AGBL4: variants seen among roughly 807,000 people sequenced by gnomAD.
AGBL4 encodes the protein AGBL carboxypeptidase 4.
AGBL4 carries 58 observed loss-of-function variants against 66.4 expected under a neutral mutation model. The observed-to-expected ratio is 0.87, with a 90% CI of 0.71 to 1.09. The LOEUF is 1.09. Ranked by LOEUF, AGBL4 falls within the 50% of genes least tolerant of loss-of-function variation. The pLI, the probability that AGBL4 is intolerant of heterozygous loss-of-function variation, is 0.00. For missense variants in AGBL4, 579 were observed against 631.0 expected (o/e 0.92, Z 0.88); for synonymous variants, 234 against 222.9 (o/e 1.05, Z -0.44).
intron 5 of AGBL4, among the ~76,000 whole-genome samples, chr1:49,025,891 A>T (rs1571259714): frequency 6.6e-6 from 1 of 152,160 alleles, no homozygotes; most frequent in Admixed American, 6.6e-5. Context: ...AATCTTGCTA[A>T]AAGAGGTTCA....
At chr1:49,871,238 TA>T (rs945122021) in intron 1 of AGBL4, among the ~76,000 whole-genome samples, 4 of 151,998 alleles carry the variant, frequency 2.6e-5, no homozygotes, top group Non-Finnish European at 5.9e-5. Flanking sequence ...AAATATTATT[TA>T]AAAATTTATA....
chr1:49,126,493 T>C (rs1645766818), intron 4 of AGBL4, among the ~76,000 whole-genome samples: 1 of 152,178 alleles, frequency 6.6e-6, no homozygotes, highest in Non-Finnish European at 1.5e-5. Context: ...GGATCTATTA[T>C]AGGGCAGGCA....
chr1:49,797,562 A>C (rs977823303), intron 2 of AGBL4, among the ~76,000 whole-genome samples: 2 of 152,170 alleles, frequency 1.3e-5, no homozygotes. Flanking sequence ...CAATCTCCCA[A>C]GGATCTAGGG....
intron 4 of AGBL4, among the ~76,000 whole-genome samples, chr1:49,164,111 A>C (rs1646590128): frequency 6.6e-6 from 1 of 152,178 alleles, no homozygotes; most frequent in African/African-American, 2.4e-5. Flanking sequence ...ATATTTTAGG[A>C]AAATAAAAGT....
chr1:49,568,753 A>G (rs1644267629), intron 3 of AGBL4, among the ~76,000 whole-genome samples: 1 of 152,214 alleles, frequency 6.6e-6, no homozygotes, highest in South Asian at 2.1e-4. Context: ...ACCTGACCTC[A>G]AACTATACTG....
chr1:49,547,782 T>C (rs945459391), intron 3 of AGBL4, among the ~76,000 whole-genome samples: 1 of 151,946 alleles, frequency 6.6e-6, no homozygotes, highest in Non-Finnish European at 1.5e-5. Context: ...AGTCTTTTTT[T>C]TTTTTTCTTG....
chr1:48,790,537 A>G (rs1005991297), intron 6 of AGBL4, among the ~76,000 whole-genome samples: 1 of 152,326 alleles, frequency 6.6e-6, no homozygotes, highest in Non-Finnish European at 1.5e-5. Flanking sequence ...TATGTATCAA[A>G]CCTGTCATTC....
intron 2 of AGBL4, among the ~76,000 whole-genome samples, chr1:49,794,445 G>A (rs1644681159): frequency 6.6e-6 from 1 of 151,998 alleles, no homozygotes; most frequent in Non-Finnish European, 1.5e-5. Flanking sequence ...GTGAGTAAAT[G>A]ATTTTCAGAG....
At chr1:49,976,059 C>T (rs1002167900) in intron 1 of AGBL4, among the ~76,000 whole-genome samples, 2 of 152,176 alleles carry the variant, frequency 1.3e-5, no homozygotes, top group Non-Finnish European at 2.9e-5. Flanking sequence ...CCTGCCTGGG[C>T]TCATCCCAGC....
At chr1:49,273,579 T>C (rs997732777) in intron 3 of AGBL4, among the ~76,000 whole-genome samples, 3 of 150,704 alleles carry the variant, frequency 2.0e-5, no homozygotes, top group African/African-American at 7.3e-5. Flanking sequence ...AAAATTAAAT[T>C]TAATATTAAT....
intron 1 of AGBL4, among the ~76,000 whole-genome samples, chr1:49,973,472 GA>G (rs1389361392): frequency 1.3e-5 from 2 of 151,820 alleles, no homozygotes; most frequent in Non-Finnish European, 2.9e-5. Context: ...CATAATTGCA[GA>G]AAAATTCTTT....
intron 5 of AGBL4, among the ~76,000 whole-genome samples, chr1:48,926,028 TGAGGACA>T (rs1654528618): frequency 6.6e-6 from 1 of 152,142 alleles, no homozygotes; most frequent in Admixed American, 6.5e-5. Context: ...GTTAGATGAA[TGAGGACA>T]GCAAATGTGG....
chr1:49,005,443 T>G (rs1167039602), intron 5 of AGBL4, among the ~76,000 whole-genome samples: 1 of 152,216 alleles, frequency 6.6e-6, no homozygotes, highest in African/African-American at 2.4e-5. Flanking sequence ...TTATTATCCT[T>G]TTGTCTGACG....
intron 2 of AGBL4, among the ~76,000 whole-genome samples, chr1:49,775,437 A>G (rs1444312951): frequency 1.3e-5 from 2 of 152,150 alleles, no homozygotes; most frequent in Non-Finnish European, 2.9e-5. Flanking sequence ...ATAGTTATAT[A>G]AATGTGCAAA....
intron 1 of AGBL4, among the ~76,000 whole-genome samples, chr1:49,885,272 A>T (rs368449981): frequency 6.6e-6 from 1 of 152,010 alleles, no homozygotes; most frequent in African/African-American, 2.4e-5. Flanking sequence ...AGAAAATTAC[A>T]TTAAAGATGA....
At chr1:49,149,808 G>T (rs1646292356) in intron 4 of AGBL4, among the ~76,000 whole-genome samples, 1 of 152,142 alleles carries the variant, frequency 6.6e-6, no homozygotes, top group African/African-American at 2.4e-5. Flanking sequence ...GCCCCAAAAA[G>T]CCATGCATTG....
chr1:49,365,307 G>T (rs1486546591), intron 3 of AGBL4, among the ~76,000 whole-genome samples: 1 of 152,016 alleles, frequency 6.6e-6, no homozygotes, highest in African/African-American at 2.4e-5. Flanking sequence ...CCACAAATCA[G>T]TTCGAACTTC....
chr1:49,853,932 A>G (rs1449393458), intron 1 of AGBL4, among the ~76,000 whole-genome samples: 1 of 152,082 alleles, frequency 6.6e-6, no homozygotes, highest in African/African-American at 2.4e-5. Context: ...AAACGCCAAC[A>G]ATAGTTCTTC....
chr1:49,512,617 T>A (rs1326383471), intron 3 of AGBL4, among the ~76,000 whole-genome samples: 1 of 151,820 alleles, frequency 6.6e-6, no homozygotes, highest in Non-Finnish European at 1.5e-5. Flanking sequence ...ATTGGAAGCC[T>A]CCTGACACCC....
Sources: allele counts gnomAD v4.1 joint callset (sites outside exome capture counted in the v4.1 genomes callset), GRCh38; gene constraint gnomAD v4.1.1; transcripts MANE v1.5; gene names NCBI Gene and HGNC (gene_info 2026-07-23, HGNC 2026-07-21).